The following PCDHGA4 variants were observed in gnomAD, a reference collection of about 807,000 sequenced individuals.
PCDHGA4 encodes protocadherin gamma subfamily A, 4.
Under a neutral mutation model 54.6 loss-of-function variants are expected in PCDHGA4, and 38 were observed. The ratio of observed to expected loss-of-function variants is 0.70; its 90% CI spans 0.54 to 0.91. The LOEUF is 0.91. Among genes scored for constraint, PCDHGA4 ranks in the 40% least tolerant of loss-of-function variants. The pLI is 0.00. For synonymous variants in PCDHGA4, 511 were observed against 512.9 expected (o/e 1.00, Z 0.05); for missense variants, 1,298 against 1,220.9 (o/e 1.06, Z -0.94).
At chr5:141,429,037 G>A (rs1404164429) in intron 1 of PCDHGA4, 1 of 152,054 alleles carries the variant, frequency 6.6e-6, no homozygotes, top group African/African-American at 2.4e-5. Flanking sequence ...TGCATTTTTA[G>A]TACAGACGGG....
rs1342408505 is a variant in PCDHGA4 at position 141,409,977 on chromosome 5, T to C, written c.2514+52356T>C. The C allele has an allele frequency of 1.2e-6, 2 of 1,613,300 alleles. No individual in the cohort carries two copies. Among genetic ancestry groups the C allele is most frequent in the African/African-American group, 2.7e-5 (2 of 75,026 alleles). ...CCCGGCTACCTAGTGACTAAGGTGGTAGCGGTGGACGCCGACTCGGGACAC... is the reference window on the plus strand; with the variant it reads ...CCCGGCTACCTAGTGACTAAGGTGGCAGCGGTGGACGCCGACTCGGGACAC... On this transcript the variant is annotated intron_variant, in intron 1 of 3. Transcript: ENST00000571252.
chr5:141,432,665 G>A lies in PCDHGA4; in HGVS notation c.2515-62142G>A. 1 of 1,613,896 alleles carries A rather than the reference G, an allele frequency of 6.2e-7. No individual in the cohort carries two copies. Among genetic ancestry groups the A allele is most frequent in the Non-Finnish European group, 8.5e-7 (1 of 1,179,956 alleles). On this transcript the variant is annotated intron_variant, in intron 1 of 3. Coordinates refer to ENST00000571252, the MANE Select transcript of PCDHGA4 (RefSeq NM_018917.4). The surrounding 1 kb of genome is among the most constrained non-coding windows in gnomAD (Gnocchi z 6.0). ...CACGGCGCGAGCCCTGCTGGACAGA[G>A]ACGCGCTCAAGCAGAGCCTCGTAGT... is the stretch of plus-strand genomic sequence containing the variant.
chr5:141,388,941 C>T (rs191165529), intron 1 of PCDHGA4: 9 of 1,613,962 alleles, frequency 5.6e-6, no homozygotes, highest in Admixed American at 5.0e-5. Context: ...TCTACCCAAC[C>T]TAATTATGGA....
At chr5:141,385,005 C>T in intron 1 of PCDHGA4, 1 of 1,614,138 alleles carries the variant, frequency 6.2e-7, no homozygotes, top group Non-Finnish European at 8.5e-7. Flanking sequence ...CAGTCTCCTG[C>T]GTCTTCCTAG....
intron 1 of PCDHGA4, among the ~76,000 whole-genome samples, chr5:141,464,966 T>C (rs192224238): frequency 1.2e-3 from 178 of 152,274 alleles, no homozygotes; most frequent in Middle Eastern, 3.4e-3. Flanking sequence ...TGTCTTGAAC[T>C]ACTGGCTTCA....
rs780310968 is a variant in PCDHGA4 at position 141,414,168 on chromosome 5, T to G, written c.2514+56547T>G. The G allele has an allele frequency of 5.6e-6, 9 of 1,605,598 alleles. No individual in the cohort carries two copies. The African/African-American group carries it at 1.2e-4, about 21-fold the overall frequency. ...TACAAGCAGAAGATGGAGGAGCATA[T>G]CTTGCAACTGCAAAAGTGTTGATTA... On this transcript the variant is annotated intron_variant, in intron 1 of 3. Coordinates refer to ENST00000571252, the MANE Select transcript of PCDHGA4 (RefSeq NM_018917.4).
intron 1 of PCDHGA4, chr5:141,492,079 G>A (rs1400390407): frequency 4.1e-6 from 2 of 486,168 alleles, no homozygotes; most frequent in African/African-American, 2.0e-5. Context: ...CGCCGGCTCC[G>A]GCACGCTTCG....
At chr5:141,386,978 T>C (rs1267866332) in intron 1 of PCDHGA4, among the ~76,000 whole-genome samples, 1 of 152,172 alleles carries the variant, frequency 6.6e-6, no homozygotes, top group Non-Finnish European at 1.5e-5. Flanking sequence ...GACTTTGTGT[T>C]TTGAGGCTAT....
chr5:141,357,213 C>T lies in PCDHGA4; in HGVS notation c.2106C>T (p.Val702=). The T allele has an allele frequency of 1.9e-6, 3 of 1,613,884 alleles. No individual in the cohort carries two copies. Among genetic ancestry groups the T allele is most frequent in the Non-Finnish European group, 2.5e-6 (3 of 1,179,882 alleles). The part of the protein sequence containing the change: ...TVAVADSIPD[V]LADLGSLKPS... ...CTGTGGCCGACAGCATCCCAGATGTCCTGGCTGACTTGGGCAGCCTCAAGC... is the reference window on the plus strand; with the variant it reads ...CTGTGGCCGACAGCATCCCAGATGTTCTGGCTGACTTGGGCAGCCTCAAGC... Residue 702 remains valine, a synonymous_variant, in exon 1 of 4, where the codon GTC becomes GTT. Coordinates refer to ENST00000571252, the MANE Select transcript of PCDHGA4 (RefSeq NM_018917.4).
intron 1 of PCDHGA4, among the ~76,000 whole-genome samples, chr5:141,466,594 C>G (rs557960608): frequency 6.6e-6 from 1 of 152,268 alleles, no homozygotes; most frequent in Admixed American, 6.5e-5. Flanking sequence ...TTAAAACAAG[C>G]TAGCTACTTG....
At chr5:141,394,416 A>G (rs1220964310) in intron 1 of PCDHGA4, 1 of 1,614,202 alleles carries the variant, frequency 6.2e-7, no homozygotes. Context: ...GGTAACAGCC[A>G]GCGACAGCGG....
Position 141,404,638 on chromosome 5 carries a change from C to T in PCDHGA4, c.2514+47017C>T, listed in dbSNP as rs776247476. On this transcript the variant is annotated intron_variant, in intron 1 of 3. Coordinates refer to ENST00000571252, the MANE Select transcript of PCDHGA4 (RefSeq NM_018917.4). Reference sequence around the variant, plus strand: ...ACCAGAATGACAATGCCCCAGAAATCCTGTACCCTGCCCTCCCCACTGATG... The same window carrying T: ...ACCAGAATGACAATGCCCCAGAAATTCTGTACCCTGCCCTCCCCACTGATG... 5 of 1,614,194 alleles carry T rather than the reference C, an allele frequency of 3.1e-6. No homozygotes were observed. In the South Asian group the frequency reaches 5.5e-5, roughly 18 times the overall value.
In PCDHGA4 at chr5:141,355,576, G is replaced by T. The variant is rs1347277711; in HGVS notation, c.469G>T (p.Val157Phe). 6.2e-7 allele frequency: 1 copy of T among 1,614,022 alleles called. No individual in the cohort carries two copies. Among genetic ancestry groups the T allele is most frequent in the Non-Finnish European group, 8.5e-7 (1 of 1,179,894 alleles). Residue 157 changes from valine to phenylalanine, a missense_variant, in exon 1 of 4, where the codon GTT becomes TTT. Coordinates refer to ENST00000571252, the MANE Select transcript of PCDHGA4 (RefSeq NM_018917.4). Reference sequence around the variant, plus strand: ...GCGGGTAGAGGTGGAAATAATCGATGTTAATGATAACCCACCCAGTTTTGG... The same window carrying T: ...GCGGGTAGAGGTGGAAATAATCGATTTTAATGATAACCCACCCAGTTTTGG... ...ILRVEVEIIDVNDNPPSFGTE... is the reference protein window; with the variant it reads ...ILRVEVEIIDFNDNPPSFGTE...
chr5:141,413,036 T>TGGGCTGCA, intron 1 of PCDHGA4: 1 of 805,900 alleles, frequency 1.2e-6, no homozygotes, highest in Non-Finnish European at 1.9e-6. Flanking sequence ...AACCGGCTGC[T>TGGGCTGCA]GGGCTGCAGG....
chr5:141,405,967 G>C (rs76683972), intron 1 of PCDHGA4, among the ~76,000 whole-genome samples: 1 of 151,968 alleles, frequency 6.6e-6, no homozygotes, highest in Non-Finnish European at 1.5e-5. Context: ...TGCTGTCAAC[G>C]TAAACCATAC....
chr5:141,498,807 C>T (rs113587634), intron 2 of PCDHGA4, among the ~76,000 whole-genome samples: 5,552 of 152,138 alleles, frequency 0.036, 136 homozygotes, highest in South Asian at 0.073. Context: ...GTGGTGCACA[C>T]CTGTAGTCCC....
rs779535322 is a variant in PCDHGA4 at position 141,398,516 on chromosome 5, C to A, written c.2514+40895C>A. ...GAGATCGAGGACATTAATGACCACACGCCAAAATTCACGCAAAATTCCTTT... is the reference window on the plus strand; with the variant it reads ...GAGATCGAGGACATTAATGACCACAAGCCAAAATTCACGCAAAATTCCTTT... On this transcript the variant is annotated intron_variant, in intron 1 of 3. Coordinates refer to ENST00000571252, the MANE Select transcript of PCDHGA4 (RefSeq NM_018917.4). The A allele has an allele frequency of 1.9e-6, 3 of 1,598,584 alleles. No individual in the cohort carries two copies. The South Asian group carries it at 3.3e-5, about 18-fold the overall frequency.
chr5:141,498,827 G>C (rs2099786072), intron 2 of PCDHGA4, among the ~76,000 whole-genome samples: 1 of 152,102 alleles, frequency 6.6e-6, no homozygotes, highest in Non-Finnish European at 1.5e-5. Context: ...CAGCTACTCA[G>C]GAGGCTGAGG....
At chr5:141,419,254 C>A in intron 1 of PCDHGA4, 1 of 1,614,020 alleles carries the variant, frequency 6.2e-7, no homozygotes, top group Non-Finnish European at 8.5e-7. Context: ...CAGAAAACAA[C>A]CAGCCGGGTG....
Sources: gnomAD v4.1 joint callset for allele counts (sites outside exome capture counted in the v4.1 genomes callset) on GRCh38, gnomAD v4.1.1 for gene constraint, Gnocchi (gnomAD v3.1) non-coding constraint, MANE v1.5 for transcripts, NCBI Gene and HGNC (gene_info 2026-07-23, HGNC 2026-07-21) for gene names.